The following WIPF1 variants were observed in gnomAD, a reference collection of about 807,000 sequenced individuals.
WIPF1 encodes the protein WAS/WASL-interacting protein family member 1.
In WIPF1, 13 loss-of-function variants were observed where a neutral mutation model predicts 35.4. The ratio of observed to expected loss-of-function variants is 0.37; its 90% CI spans 0.24 to 0.58. The LOEUF is 0.58. Ranked by LOEUF, WIPF1 falls within the 20% of genes least tolerant of loss-of-function variation. WIPF1 has a pLI of 0.74. For missense variants in WIPF1, 591 were observed against 667.0 expected (o/e 0.89, Z 1.25); for synonymous variants, 267 against 266.3 (o/e 1.00, Z -0.02).
rs546388932 is a variant in WIPF1, at chr2:174,642,629, G to A, written c.-39+40145C>T. Among the ~76,000 whole-genome samples, 35 of 150,530 alleles carry A rather than the reference G, an allele frequency of 2.3e-4. 1 individual carries two copies. Among genetic ancestry groups the A allele is most frequent in the Non-Finnish European group, 4.0e-4 (27 of 67,904 alleles). The stretch of plus-strand genomic sequence containing the variant: ...CCCAAAGTGCTGGGATTACAGGCAT[G>A]AGCCGCCGCGCCCGGCCTTTTTTGT... On this transcript the variant is annotated intron_variant, in intron 1 of 8. Transcript: ENST00000272746.
chr2:174,602,335 A>T (rs1174271354), upstream of WIPF1, among the ~76,000 whole-genome samples: 2 of 152,244 alleles, frequency 1.3e-5, no homozygotes, highest in Non-Finnish European at 2.9e-5. Context: ...CATGGACTGA[A>T]TCAGTGCAAC....
intron 2 of WIPF1, among the ~76,000 whole-genome samples, chr2:174,583,815 T>C (rs564375926): frequency 9.2e-5 from 14 of 151,908 alleles, no homozygotes; most frequent in Non-Finnish European, 1.2e-4. Context: ...AGGACCAACT[T>C]TTTTTTTGTT....
Position 174,585,598 on chromosome 2 carries a change from T to C in WIPF1, c.-25A>G, listed in dbSNP as rs189833563. 50 of 1,610,634 alleles carry C rather than the reference T, an allele frequency of 3.1e-5. No individual in the cohort carries two copies. The highest frequency in any genetic ancestry group is 3.3e-5 in the South Asian group (3 of 90,780). ...TCTTGGGCAGTTATGCGTTCAACAG[T>C]CTTGCTGATAAATCTGGAAAAACAA... On this transcript the variant is annotated 5_prime_UTR_variant, in exon 2 of 8. Transcript: ENST00000679041.
intron 1 of WIPF1, among the ~76,000 whole-genome samples, chr2:174,646,779 A>G (rs1687418676): frequency 6.6e-6 from 1 of 151,944 alleles, no homozygotes; most frequent in Admixed American, 6.6e-5. Flanking sequence ...ACACCCAGCT[A>G]ATTTTTTGTA....
upstream of WIPF1, among the ~76,000 whole-genome samples, chr2:174,599,160 T>C (rs1401829858): frequency 3.3e-5 from 5 of 152,140 alleles, no homozygotes; most frequent in Admixed American, 6.5e-5. Flanking sequence ...GATGAGTAAT[T>C]TTCAACTCAG....
In WIPF1 at chr2:174,561,356, C is replaced by T. The variant is rs1037686726; in HGVS notation, c.*1191G>A. The T allele has an allele frequency of 1.3e-5, 2 of 152,152 alleles. No individual in the cohort carries two copies. The highest frequency in any genetic ancestry group is 2.9e-5 in the Non-Finnish European group (2 of 68,050). The allele number at this position is 152,152 out of a possible 1,614,324, so 9.4% of individuals were successfully genotyped here. On this transcript the variant is annotated 3_prime_UTR_variant, in exon 8 of 8. Coordinates refer to ENST00000679041, the MANE Select transcript of WIPF1 (RefSeq NM_001375834.1). ...TGACTTTTTTCCCCTCCTACCAAGC[C>T]TTCCTAGTCTCTCCCAGCCTCAGGA...
Position 174,581,413 on chromosome 2 carries a change from A to G in WIPF1, c.78T>C (p.Asn26=), listed in dbSNP as rs35923393. The G allele has an allele frequency of 2.2e-3, 3,491 of 1,613,924 alleles. 7 individuals carry two copies. The highest frequency in any genetic ancestry group is 2.4e-3 in the Non-Finnish European group (2,806 of 1,179,944). The change falls in exon 3 of 8, where the codon AAT becomes AAC. Residue 26 remains asparagine, a synonymous_variant. Coordinates refer to ENST00000679041, the MANE Select transcript of WIPF1 (RefSeq NM_001375834.1). ...CATTTCTCCCAGCCTGCTCTGTCTT[A>G]TTCAAGGTAGGCTTCTCTGTATTGG... ...ALANTEKPTL[N]KTEQAGRNAL...
chr2:174,587,809 C>T (rs544219322), intron 1 of WIPF1: 2 of 152,364 alleles, frequency 1.3e-5, no homozygotes, highest in South Asian at 4.1e-4. Flanking sequence ...ATAACACTGC[C>T]TCACTCACTC....
intron 5 of WIPF1, chr2:174,568,526 TTTG>T (rs1393252044): frequency 1.3e-5 from 2 of 155,394 alleles, no homozygotes; most frequent in Middle Eastern, 3.4e-3. Context: ...AATGCATAGT[TTTG>T]TTGTTAATTA....
chr2:174,562,609 G>GA lies in WIPF1; in HGVS notation c.1457-8dup. ...TCTCTTCGGTTGGATCCACCTTGGTGAAAAAACAGACAAAATATAATTTTG... is the reference window on the plus strand; with the variant it reads ...TCTCTTCGGTTGGATCCACCTTGGTGAAAAAAACAGACAAAATATAATTTTG... On this transcript the variant is annotated splice_region_variant and splice_polypyrimidine_tract_variant and intron_variant, in intron 7 of 7. Transcript: ENST00000679041. 1 of 1,614,040 alleles carries GA rather than the reference G, an allele frequency of 6.2e-7. No individual in the cohort carries two copies. The highest frequency in any genetic ancestry group is 8.5e-7 in the Non-Finnish European group (1 of 1,179,968).
At chr2:174,624,131 C>A (rs1000202399) in intron 1 of WIPF1, among the ~76,000 whole-genome samples, 7 of 152,216 alleles carry the variant, frequency 4.6e-5, no homozygotes, top group Admixed American at 1.3e-4. Context: ...ACTAATAAAT[C>A]AGAATTAGTG....
In WIPF1 at chr2:174,585,627, T is replaced by C. The variant is rs1302422449; in HGVS notation, c.-38-16A>G. 1 of 1,540,178 alleles carries C rather than the reference T, an allele frequency of 6.5e-7. No homozygotes were observed. Among genetic ancestry groups the C allele is most frequent in the Non-Finnish European group, 9.0e-7 (1 of 1,116,752 alleles). ...GCTGATAAATCTGGAAAAACAAGAA[T>C]GCGATCATGTATTAGATGTAATCTT... is the stretch of plus-strand genomic sequence containing the variant. On this transcript the variant is annotated splice_polypyrimidine_tract_variant and intron_variant, in intron 1 of 7. Coordinates refer to ENST00000679041, the MANE Select transcript of WIPF1 (RefSeq NM_001375834.1).
chr2:174,574,843 T>C lies in WIPF1; in HGVS notation c.358+361A>G, dbSNP rs184115620. On this transcript the variant is annotated intron_variant, in intron 4 of 7. Transcript: ENST00000679041. ...TATTTACTCTACTAGACAGCTGGGC[T>C]ACCTCACAAAGAAAGCTGAATCTGT... 16 of 716,972 alleles carry C rather than the reference T, an allele frequency of 2.2e-5. No individual in the cohort carries two copies. The East Asian group carries it at 3.8e-4, about 17-fold the overall frequency. 44.4% of individuals were successfully genotyped at this position (716,972 alleles called of 1,614,324 possible).
chr2:174,629,377 T>C (rs186516805), intron 1 of WIPF1, among the ~76,000 whole-genome samples: 16 of 152,356 alleles, frequency 1.1e-4, no homozygotes, highest in African/African-American at 2.6e-4. Context: ...TCCTCTGTTT[T>C]GCAGGGAAGG....
At position 174,595,103 on chromosome 2, in the gene WIPF1, AAAAAAAATAT is replaced by A. The variant is rs1334749852; in HGVS notation, c.-39+2488_-39+2497del. Among the ~76,000 whole-genome samples the A allele has an allele frequency of 2.9e-4, 12 of 41,304 alleles. No individual in the cohort carries two copies. In the East Asian group the frequency reaches 8.9e-3, roughly 31 times the overall value. 27.1% of individuals were successfully genotyped at this position (41,304 alleles called of 152,430 possible). A position where few individuals can be genotyped will look rare whatever the true frequency, so the allele number is the denominator to read the frequency against. The stretch of plus-strand genomic sequence containing the variant: ...CTCATCTCTACAAAAAAAAAAAAAA[AAAAAAAATAT>A]ATATATATATATATATATATATATA... On this transcript the variant is annotated intron_variant, in intron 1 of 7. Transcript: ENST00000679041.
chr2:174,567,808 ATTTACCATTTAG>A, intron 6 of WIPF1, 41 bp downstream of exon 6: 5 of 1,507,766 alleles, frequency 3.3e-6, no homozygotes, highest in Non-Finnish European at 4.4e-6. Flanking sequence ...ATACAAACAG[ATTTACCATTTAG>A]TTGCTGCCCT....
chr2:174,673,021 G>A (rs545286081), intron 1 of WIPF1, among the ~76,000 whole-genome samples: 115 of 152,292 alleles, frequency 7.6e-4, no homozygotes, highest in African/African-American at 2.7e-3. Flanking sequence ...GTGTGAAGGT[G>A]GGCAAGAGGA....
intron 1 of WIPF1, among the ~76,000 whole-genome samples, chr2:174,611,584 A>G (rs1559160873): frequency 6.6e-6 from 1 of 152,134 alleles, no homozygotes; most frequent in Non-Finnish European, 1.5e-5. Context: ...CCTTCAGGCC[A>G]CCTCCAAACT....
chr2:174,599,790 ACACT>A (rs748924062), upstream of WIPF1, among the ~76,000 whole-genome samples: 1 of 59,132 alleles, frequency 1.7e-5, no homozygotes, highest in African/African-American at 5.0e-5. Flanking sequence ...ACACACACAC[ACACT>A]CTCTCTCTCT....
Sources: allele counts gnomAD v4.1 joint callset (sites outside exome capture counted in the v4.1 genomes callset), GRCh38; gene constraint gnomAD v4.1.1; transcripts MANE v1.5; gene names NCBI Gene and HGNC (gene_info 2026-07-23, HGNC 2026-07-21).